RBSN: variants seen among roughly 807,000 people sequenced by gnomAD.
The protein encoded by RBSN is rabenosyn-5.
Under a neutral mutation model 60.5 loss-of-function variants are expected in RBSN, and 34 were observed. The ratio of observed to expected loss-of-function variants is 0.56; its 90% confidence interval spans 0.43 to 0.75. RBSN has a LOEUF of 0.75. RBSN is among the 30% of genes least tolerant of loss of function. RBSN has a pLI of 0.00. For missense variants in RBSN, 845 were observed against 986.8 expected (o/e 0.86, Z 1.92); for synonymous variants, 322 against 366.9 (o/e 0.88, Z 1.40).
At chr3:15,098,505 G>T (rs1044497563) in intron 1 of RBSN, among the ~76,000 whole-genome samples, 3 of 127,156 alleles carry the variant, frequency 2.4e-5, no homozygotes, top group Non-Finnish European at 4.8e-5. Flanking sequence ...TTCTGCAGCC[G>T]TACATCCAGC....
At chr3:15,086,790 G>A (rs538860525) in intron 5 of RBSN, among the ~76,000 whole-genome samples, 1 of 152,240 alleles carries the variant, frequency 6.6e-6, no homozygotes, top group Admixed American at 6.5e-5. Context: ...AGATTCCCTT[G>A]TGGGAGATAG....
intron 6 of RBSN, 134 bp downstream of exon 6, chr3:15,085,727 C>G: frequency 1.4e-6 from 1 of 736,080 alleles, no homozygotes. Flanking sequence ...TCCTTTGCAC[C>G]TCTCTAGAGA....
intron 4 of RBSN, among the ~76,000 whole-genome samples, chr3:15,095,442 T>C (rs1346741517): frequency 6.6e-6 from 1 of 152,254 alleles, no homozygotes; most frequent in Non-Finnish European, 1.5e-5. Context: ...ACCTGAGCTC[T>C]TGGAAGCTCA....
Position 15,082,439 on chromosome 3 carries a change from C to T in RBSN, c.768G>A (p.Lys256=). The T allele has an allele frequency of 6.2e-7, 1 of 1,614,200 alleles. No homozygotes were observed. Among genetic ancestry groups the T allele is most frequent in the Non-Finnish European group, 8.5e-7 (1 of 1,180,030 alleles). The part of the protein sequence containing the change: ...DDRIRCCTHC[K]DTLLKREQQI... The stretch of plus-strand genomic sequence containing the variant: ...GCTGCTCTCTCTTGAGCAGCGTGTC[C>T]TTGCAGTGTGTACAGCAGCGGATCC... Residue 256 remains lysine (K), a synonymous_variant, in exon 9 of 14, where the codon AAG becomes AAA. Coordinates refer to ENST00000253699, the MANE Select transcript of RBSN (RefSeq NM_022340.4). The surrounding 1 kb of genome is among the most constrained non-coding windows in gnomAD (Gnocchi z 4.2).
chr3:15,090,278 C>CTTAG (rs1383237690), intron 5 of RBSN, 121 bp downstream of exon 5: 9 of 1,087,196 alleles, frequency 8.3e-6, no homozygotes, highest in Non-Finnish European at 1.2e-5. Flanking sequence ...GGCATAAGGT[C>CTTAG]CATGAGAAGC....
chr3:15,083,522 A>C (rs1181287548), intron 8 of RBSN, among the ~76,000 whole-genome samples: 2 of 151,906 alleles, frequency 1.3e-5, no homozygotes, highest in East Asian at 3.9e-4. Context: ...TCCTCCACAC[A>C]CCCCCAACTA....
chr3:15,089,387 G>T (rs1274974452), intron 5 of RBSN, among the ~76,000 whole-genome samples: 2 of 140,336 alleles, frequency 1.4e-5, no homozygotes, highest in Non-Finnish European at 3.0e-5. Context: ...GATCACTTGA[G>T]CCTGGAATGC....
At chr3:15,078,801 TATATATATATATATATATATATAC>T (rs1171615378) in intron 10 of RBSN, among the ~76,000 whole-genome samples, 3 of 103,056 alleles carry the variant, frequency 2.9e-5, no homozygotes, top group Admixed American at 1.9e-4. Context: ...TATATATATA[TATATATATATATATATATATATAC>T]ATGGTTTTGT....
chr3:15,084,958 A>T lies in RBSN; in HGVS notation c.436+42T>A, dbSNP rs181884477. The T allele has an allele frequency of 2.5e-5, 41 of 1,614,128 alleles. No individual in the cohort carries two copies. The highest frequency in any genetic ancestry group is 3.5e-5 in the Non-Finnish European group (41 of 1,179,990). ...TTTAAAGAGAGCTTTGGTCAGGGAA[A>T]AAAAGATAATAAGATGAATGTGAGC... On this transcript the variant is annotated intron_variant, in intron 7 of 13. Transcript: ENST00000253699. This position sits in a 1 kb window ranked among gnomAD's most constrained non-coding sequence, Gnocchi z 4.2.
rs1048152157 is a variant in RBSN at position 15,072,367 on chromosome 3, G to C, written c.*1415C>G. On this transcript the variant is annotated 3_prime_UTR_variant, in exon 14 of 14. Coordinates refer to ENST00000253699, the MANE Select transcript of RBSN (RefSeq NM_022340.4). The stretch of plus-strand genomic sequence containing the variant: ...AGATCATGCCACTACACTCCAGCCT[G>C]GGCAACAAAGTGAAACTCTGTCTCA... 2 of 152,188 alleles carry C rather than the reference G, an allele frequency of 1.3e-5. No individual in the cohort carries two copies. The highest frequency in any genetic ancestry group is 4.8e-5 in the African/African-American group (2 of 41,416). 9.4% of individuals were successfully genotyped at this position (152,188 alleles called of 1,614,324 possible).
At position 15,095,484 on chromosome 3, in the gene RBSN, C is replaced by T. The variant is rs552623895; in HGVS notation, c.148+489G>A. On this transcript the variant is annotated intron_variant, in intron 4 of 13. Transcript: ENST00000253699. Reference sequence around the variant, plus strand: ...AAGGTTTTTAGGTTGTTTTGTTCTTCGACTATGACCTTCCTTTTTCTGGGC... The same window carrying T: ...AAGGTTTTTAGGTTGTTTTGTTCTTTGACTATGACCTTCCTTTTTCTGGGC... Among the ~76,000 whole-genome samples the T allele has an allele frequency of 6.6e-5, 10 of 152,290 alleles. 1 individual carries two copies. In the East Asian group the frequency reaches 1.2e-3, roughly 18 times the overall value.
chr3:15,082,520 G>A lies in RBSN; in HGVS notation c.687C>T (p.Gly229=), dbSNP rs1162078692. Reference sequence around the variant, plus strand: ...TGACACTGCTCATGCTGCTGATGCTGCCTCGGCGGGAGCCATGGACACTGT... The same window carrying A: ...TGACACTGCTCATGCTGCTGATGCTACCTCGGCGGGAGCCATGGACACTGT... ...SPNSVHGSRR[G]SISSMSSVSS... Residue 229 remains glycine (G), a synonymous_variant, in exon 9 of 14, where the codon GGC becomes GGT. Coordinates refer to ENST00000253699, the MANE Select transcript of RBSN (RefSeq NM_022340.4). The surrounding 1 kb of genome is among the most constrained non-coding windows in gnomAD (Gnocchi z 4.2). 2 of 1,614,052 alleles carry A rather than the reference G, an allele frequency of 1.2e-6. No homozygotes were observed. The highest frequency in any genetic ancestry group is 1.7e-6 in the Non-Finnish European group (2 of 1,180,040).
At chr3:15,075,210 A>ATGATAC in intron 13 of RBSN, 2 of 570,882 alleles carry the variant, frequency 3.5e-6, no homozygotes, top group Non-Finnish European at 3.1e-6. Flanking sequence ...TAAACCTCTA[A>ATGATAC]GGTCTGTTCC....
At chr3:15,086,213 T>C in intron 5 of RBSN, 1 of 421,818 alleles carries the variant, frequency 2.4e-6, no homozygotes, top group Admixed American at 3.7e-5. Flanking sequence ...CAGTGAGCTA[T>C]GATCCCACCA....
intron 9 of RBSN, among the ~76,000 whole-genome samples, chr3:15,081,792 TAAGGGACC>T (rs765890810): frequency 5.9e-5 from 9 of 152,130 alleles, no homozygotes; most frequent in African/African-American, 7.2e-5. Context: ...ACCTGGCCAT[TAAGGGACC>T]AAGCCAGTCT....
In RBSN at chr3:15,074,500, G is replaced by C. The variant is rs1436664788; in HGVS notation, c.1637C>G (p.Thr546Ser). 1.9e-6 allele frequency: 3 copies of C among 1,614,104 alleles called. No individual in the cohort carries two copies. Among genetic ancestry groups the C allele is most frequent in the Non-Finnish European group, 2.5e-6 (3 of 1,180,046 alleles). ...GATTTCTCTGAAGTCCAGGGACCGA[G>C]TCCGTGTGTGCAGGGATGCCACCCG... ...QFRVASLHTRTRSLDFREIGP... is the reference protein window; with the variant it reads ...QFRVASLHTRSRSLDFREIGP... The change falls in exon 14 of 14, where the codon ACT becomes AGT. Residue 546 changes from threonine to serine, a missense_variant. Transcript: ENST00000253699. The surrounding 1 kb of genome is among the most constrained non-coding windows in gnomAD (Gnocchi z 6.4).
At chr3:15,096,504 A>C (rs962213577) in intron 3 of RBSN, 31 bp downstream of exon 3, 67 of 166,852 alleles carry the variant, frequency 4.0e-4, no homozygotes, top group African/African-American at 1.6e-3. Flanking sequence ...TGAAGTGGGA[A>C]GCACAGATTC....
Position 15,096,022 on chromosome 3 carries a change from G to T in RBSN, c.99C>A (p.Tyr33Ter). The part of the protein sequence containing the change: ...LQSFYQLHSH[Y>*]EEEHSGEDRD... ...GGTCTTCCCCTGAGTGTTCTTCCTCGTAATGTGAGTGAAGCTGATAGAAAG... is the reference window on the plus strand; with the variant it reads ...GGTCTTCCCCTGAGTGTTCTTCCTCTTAATGTGAGTGAAGCTGATAGAAAG... Residue 33 changes from tyrosine (Y) to a stop codon, truncating the protein, a stop_gained, in exon 4 of 14, where the codon TAC becomes TAA. Transcript: ENST00000253699. LOFTEE classifies it high-confidence loss of function. 6.2e-7 allele frequency: 1 copy of T among 1,614,102 alleles called. No individual in the cohort carries two copies. Among genetic ancestry groups the T allele is most frequent in the Non-Finnish European group, 8.5e-7 (1 of 1,179,996 alleles).
chr3:15,074,392 C>G lies in RBSN; in HGVS notation c.1745G>C (p.Ser582Thr). ...TGAAGGGGTCTTGGGAGCTGTGCTG[C>G]TTGGAACTGGGGAAGAGCCTAGATC... is the stretch of plus-strand genomic sequence containing the variant. Reference protein sequence around the residue: ...ALDLGSSPVPSSTAPKTPSLS... With the variant: ...ALDLGSSPVPTSTAPKTPSLS... Residue 582 changes from serine to threonine, a missense_variant, in exon 14 of 14, where the codon AGC (serine) becomes ACC (threonine). By Grantham distance (58) the Ser-to-Thr change is moderately conservative. Coordinates refer to ENST00000253699, the MANE Select transcript of RBSN (RefSeq NM_022340.4). This position sits in a 1 kb window ranked among gnomAD's most constrained non-coding sequence, Gnocchi z 6.4. The G allele has an allele frequency of 6.2e-7, 1 of 1,614,130 alleles. No individual in the cohort carries two copies. Among genetic ancestry groups the G allele is most frequent in the Non-Finnish European group, 8.5e-7 (1 of 1,180,010 alleles).
Sources: gnomAD v4.1 joint callset for allele counts (sites outside exome capture counted in the v4.1 genomes callset) on GRCh38, gnomAD v4.1.1 for gene constraint, Gnocchi (gnomAD v3.1) non-coding constraint, MANE v1.5 for transcripts, NCBI Gene and HGNC (gene_info 2026-07-23, HGNC 2026-07-21) for gene names.